Variants in ZMAT5 observed in about 807,000 individuals in gnomAD.
The protein encoded by ZMAT5 is zinc finger matrin-type protein 5.
A neutral mutation model predicts 28.0 loss-of-function variants in ZMAT5; 23 were observed. The observed-to-expected ratio is 0.82, with a 90% CI of 0.59 to 1.16. ZMAT5 has a LOEUF of 1.16. ZMAT5 is among the 50% of genes most tolerant of loss of function. The probability of loss-of-function intolerance (pLI) is 0.00; values close to 1 mark genes in which losing one functional copy is unlikely to be tolerated. For missense variants in ZMAT5, 173 were observed against 212.7 expected (o/e 0.81, Z 1.16); for synonymous variants, 76 against 84.1 (o/e 0.90, Z 0.52).
chr22:29,754,257 C>T (rs2068079902), intron 1 of ZMAT5, among the ~76,000 whole-genome samples: 1 of 152,156 alleles, frequency 6.6e-6, no homozygotes, highest in Non-Finnish European at 1.5e-5. Flanking sequence ...GTCTGGAACA[C>T]AGAACCATCC....
intron 2 of ZMAT5, chr22:29,748,216 A>G: frequency 1.4e-6 from 1 of 693,052 alleles, no homozygotes; most frequent in Non-Finnish European, 2.5e-6. Flanking sequence ...CCTCCTGTCC[A>G]CAGAGCCTTC....
chr22:29,732,817 A>C (rs556454892), intron 5 of ZMAT5, among the ~76,000 whole-genome samples: 6 of 151,812 alleles, frequency 4.0e-5, no homozygotes, highest in East Asian at 1.9e-4. Flanking sequence ...CGCCGCCAAA[A>C]TTCAGGCAGG....
At chr22:29,740,322 C>T (rs1440745880) in intron 4 of ZMAT5, among the ~76,000 whole-genome samples, 1 of 152,030 alleles carries the variant, frequency 6.6e-6, no homozygotes, top group African/African-American at 2.4e-5. Flanking sequence ...GGTATGCTGC[C>T]TGATTGAGGA....
rs1292494169 is a variant in ZMAT5, at chr22:29,742,403, T to C, written c.190+15A>G. 4 of 1,612,580 alleles carry C rather than the reference T, an allele frequency of 2.5e-6. No homozygotes were observed. Among genetic ancestry groups the C allele is most frequent in the East Asian group, 2.2e-5 (1 of 44,864 alleles). On this transcript the variant is annotated intron_variant, in intron 3 of 5. Coordinates refer to ENST00000344318, the MANE Select transcript of ZMAT5 (RefSeq NM_001003692.2). ...CAGGTCCCCGCAGGGACCTGAGCTGTGCAGAGGACTTTACCTGTCAGTAGA... is the reference window on the plus strand; with the variant it reads ...CAGGTCCCCGCAGGGACCTGAGCTGCGCAGAGGACTTTACCTGTCAGTAGA...
chr22:29,736,121 G>A (rs1432333573), intron 5 of ZMAT5, among the ~76,000 whole-genome samples: 1 of 152,236 alleles, frequency 6.6e-6, no homozygotes, highest in African/African-American at 2.4e-5. Flanking sequence ...TCCTGTCCAA[G>A]TAGCGGTGCA....
intron 5 of ZMAT5, among the ~76,000 whole-genome samples, chr22:29,733,243 C>A (rs566701026): frequency 6.6e-6 from 1 of 152,356 alleles, no homozygotes; most frequent in South Asian, 2.1e-4. Context: ...GAGGCCCTGG[C>A]AGCTCCTGGC....
At chr22:29,742,841 T>C (rs866345097) in intron 2 of ZMAT5, among the ~76,000 whole-genome samples, 6 of 152,242 alleles carry the variant, frequency 3.9e-5, no homozygotes, top group African/African-American at 1.4e-4. Context: ...CAGGCTGGAG[T>C]GCAGTGGTGC....
chr22:29,742,437 G>A lies in ZMAT5; in HGVS notation c.171C>T (p.Cys57=). ...ILLDEQNKRP[C]RKFLLTGQCD... ...CTTTACCTGTCAGTAGAAACTTCCT[G>A]CAGGGCCGCTTGTTCTGCTCATCCA... The change falls in exon 3 of 6, where the codon TGC becomes TGT. Residue 57 remains cysteine (C), a synonymous_variant. Transcript: ENST00000344318. The A allele has an allele frequency of 6.2e-7, 1 of 1,613,302 alleles. No homozygotes were observed. The highest frequency in any genetic ancestry group is 8.5e-7 in the Non-Finnish European group (1 of 1,179,924).
At chr22:29,731,480 AAGGCAGAGCCTCGAAAAT>A (rs1213052689) in intron 5 of ZMAT5, 126 bp from the exon 6 acceptor site, 1 of 1,317,476 alleles carries the variant, frequency 7.6e-7, no homozygotes, top group Non-Finnish European at 1.0e-6. Flanking sequence ...ACTTTTCTGG[AAGGCAGAGCCTCGAAAAT>A]AGGCAGACCG....
intron 3 of ZMAT5, among the ~76,000 whole-genome samples, chr22:29,742,170 C>T (rs989191324): frequency 2.0e-5 from 3 of 152,164 alleles, no homozygotes; most frequent in Non-Finnish European, 4.4e-5. Context: ...ATGTAATCTC[C>T]CACGCCTTGC....
intron 1 of ZMAT5, among the ~76,000 whole-genome samples, chr22:29,761,333 A>T (rs2147238830): frequency 6.6e-6 from 1 of 150,952 alleles, no homozygotes; most frequent in African/African-American, 2.4e-5. Flanking sequence ...CTGTAATCCC[A>T]GCACTTTGGG....
At chr22:29,734,367 G>A (rs893568291) in intron 5 of ZMAT5, among the ~76,000 whole-genome samples, 11 of 152,368 alleles carry the variant, frequency 7.2e-5, no homozygotes, top group East Asian at 1.9e-4. Flanking sequence ...CGCAGGTCTC[G>A]GTTCCCCGAG....
intron 2 of ZMAT5, among the ~76,000 whole-genome samples, chr22:29,742,830 C>T (rs1226158629): frequency 6.6e-6 from 1 of 152,140 alleles, no homozygotes; most frequent in African/African-American, 2.4e-5. Context: ...GCTCTGTCAC[C>T]CAGGCTGGAG....
At position 29,731,119 on chromosome 22, in the gene ZMAT5, C is replaced by T. The variant is rs981593246; in HGVS notation, c.*106G>A. 2.9e-5 allele frequency: 36 copies of T among 1,255,604 alleles called. No individual in the cohort carries two copies. The highest frequency in any genetic ancestry group is 3.4e-5 in the Non-Finnish European group (32 of 946,834). The allele number at this position is 1,255,604 out of a possible 1,614,324, so 77.8% of individuals were successfully genotyped here. On this transcript the variant is annotated 3_prime_UTR_variant, in exon 6 of 6. Coordinates refer to ENST00000344318, the MANE Select transcript of ZMAT5 (RefSeq NM_001003692.2). Reference sequence around the variant, plus strand: ...TGTCCTGAGCCTCAGTGAGGCTGGGCAGATGGTCTCGGAGCCTCCATGGGG... The same window carrying T: ...TGTCCTGAGCCTCAGTGAGGCTGGGTAGATGGTCTCGGAGCCTCCATGGGG...
intron 5 of ZMAT5, among the ~76,000 whole-genome samples, chr22:29,737,944 C>T (rs1441894939): frequency 1.3e-5 from 2 of 152,102 alleles, no homozygotes; most frequent in African/African-American, 4.8e-5. Flanking sequence ...TGTGTGCCCT[C>T]GGGCAAGTCG....
intron 2 of ZMAT5, among the ~76,000 whole-genome samples, chr22:29,745,981 A>AT (rs1007613461): frequency 1.2e-4 from 18 of 151,040 alleles, no homozygotes; most frequent in African/African-American, 2.7e-4. Flanking sequence ...TCATTTATTT[A>AT]TTTTTTTTTG....
At chr22:29,754,692 C>A (rs2068083822) in intron 1 of ZMAT5, among the ~76,000 whole-genome samples, 2 of 151,476 alleles carry the variant, frequency 1.3e-5, no homozygotes, top group Middle Eastern at 3.4e-3. Context: ...ACAACATGGG[C>A]AGACCCCATT....
chr22:29,750,292 G>A (rs1387536040), intron 1 of ZMAT5, among the ~76,000 whole-genome samples: 1 of 152,350 alleles, frequency 6.6e-6, no homozygotes. Context: ...ACATTGCCAG[G>A]TGTCCTCTCT....
chr22:29,755,171 T>C (rs1051998054), intron 1 of ZMAT5, among the ~76,000 whole-genome samples: 1 of 152,046 alleles, frequency 6.6e-6, no homozygotes, highest in South Asian at 2.1e-4. Flanking sequence ...GGCACACGCC[T>C]ATAATCCCAG....
Sources: allele counts gnomAD v4.1 joint callset (sites outside exome capture counted in the v4.1 genomes callset), GRCh38; gene constraint gnomAD v4.1.1; transcripts MANE v1.5; gene names NCBI Gene and HGNC (gene_info 2026-07-23, HGNC 2026-07-21).